Variants in LYPD6B observed in about 807,000 individuals in gnomAD.
LYPD6B encodes the protein LY6/PLAUR domain containing 6B.
Under a neutral mutation model 22.8 loss-of-function variants are expected in LYPD6B, and 17 were observed. That is an observed-to-expected ratio of 0.75 (90% CI 0.51 to 1.12). LYPD6B has a LOEUF of 1.12. Ranked by LOEUF, LYPD6B falls within the 50% of genes most tolerant of loss-of-function variation. The pLI is 0.00. For missense variants in LYPD6B, 221 were observed against 258.3 expected, an observed-to-expected ratio of 0.86 and a Z score of 0.99; for synonymous variants, 106 against 91.6, an observed-to-expected ratio of 1.16 and a Z score of -0.90.
chr2:149,099,609 G>A (rs146732619), intron 1 of LYPD6B, among the ~76,000 whole-genome samples: 168 of 152,260 alleles, frequency 1.1e-3, no homozygotes, highest in African/African-American at 3.8e-3. Flanking sequence ...ATAACCAGGA[G>A]GTAGCTAGGT....
chr2:149,100,345 A>C (rs1225298927), intron 1 of LYPD6B, among the ~76,000 whole-genome samples: 2 of 147,996 alleles, frequency 1.4e-5, no homozygotes, highest in Non-Finnish European at 3.0e-5. Context: ...TTCTTTCAAA[A>C]TTAGTATTCA....
intron 2 of LYPD6B, among the ~76,000 whole-genome samples, chr2:149,159,589 C>CGTGT (rs60129822): frequency 0.11 from 16,724 of 145,760 alleles, 1,234 homozygotes; most frequent in African/African-American, 0.22. Context: ...CATATGTGTG[C>CGTGT]GTGTGTGTGT....
At chr2:149,134,845 G>C (rs1271135903) in intron 2 of LYPD6B, among the ~76,000 whole-genome samples, 1 of 152,184 alleles carries the variant, frequency 6.6e-6, no homozygotes, top group Non-Finnish European at 1.5e-5. Context: ...AAAGAGTAGC[G>C]AGGCATGCAA....
chr2:149,141,578 T>C (rs1688695786), intron 2 of LYPD6B, among the ~76,000 whole-genome samples: 1 of 152,214 alleles, frequency 6.6e-6, no homozygotes, highest in Admixed American at 6.5e-5. Context: ...TTGTATTTGT[T>C]ATATGAAATC....
intron 1 of LYPD6B, among the ~76,000 whole-genome samples, chr2:149,075,189 TCTC>T (rs967119141): frequency 6.6e-6 from 1 of 152,190 alleles, no homozygotes; most frequent in Non-Finnish European, 1.5e-5. Flanking sequence ...AAATCTTCCT[TCTC>T]CTCTATTTCC....
rs115393862 is a variant in LYPD6B at position 149,107,595 on chromosome 2, T to C, written c.-66-23288T>C. ...TTGATTTCTATTTAATTCAGAACAA[T>C]TTTAAATTTTATTTTAAACTTCCTC... On this transcript the variant is annotated intron_variant, in intron 1 of 6. Coordinates refer to ENST00000409642, the MANE Select transcript of LYPD6B (RefSeq NM_177964.5). Among the ~76,000 whole-genome samples, 407 of 152,346 alleles carry C rather than the reference T, an allele frequency of 2.7e-3. 3 individuals carry two copies. The highest frequency in any genetic ancestry group is 9.6e-3 in the African/African-American group (400 of 41,584).
intron 2 of LYPD6B, among the ~76,000 whole-genome samples, chr2:149,158,604 G>A (rs909601960): frequency 6.6e-6 from 1 of 152,112 alleles, no homozygotes; most frequent in Non-Finnish European, 1.5e-5. Flanking sequence ...TCATGGTGAT[G>A]GTTATACAAC....
chr2:149,131,815 C>G (rs1323400796), intron 2 of LYPD6B, among the ~76,000 whole-genome samples: 1 of 152,066 alleles, frequency 6.6e-6, no homozygotes, highest in Non-Finnish European at 1.5e-5. Context: ...GACATCTGAC[C>G]AGCAAAGTCT....
chr2:149,042,941 T>A (rs1248083063), intron 1 of LYPD6B, among the ~76,000 whole-genome samples: 1 of 152,222 alleles, frequency 6.6e-6, no homozygotes, highest in Non-Finnish European at 1.5e-5. Context: ...TTTCTTTGAT[T>A]GTTTGTTATA....
At position 149,107,118 on chromosome 2, in the gene LYPD6B, T is replaced by C. The variant is rs560446873; in HGVS notation, c.-66-23765T>C. Among the ~76,000 whole-genome samples, 3 of 152,320 alleles carry C rather than the reference T, an allele frequency of 2.0e-5. No individual in the cohort carries two copies. The South Asian group carries it at 6.2e-4, about 32-fold the overall frequency. On this transcript the variant is annotated intron_variant, in intron 1 of 6. Transcript: ENST00000409642. ...TATAAGAATATACTATAATTAAAGT[T>C]ATGTAAATGTGGTCTTTCTTAAAAT...
At chr2:149,041,429 G>A (rs1683083858) in intron 1 of LYPD6B, among the ~76,000 whole-genome samples, 1 of 152,154 alleles carries the variant, frequency 6.6e-6, no homozygotes, top group Admixed American at 6.6e-5. Context: ...CCGCGTCACT[G>A]GCCAAAGTGG....
intron 3 of LYPD6B, among the ~76,000 whole-genome samples, chr2:149,200,064 G>T (rs1309182180): frequency 6.6e-6 from 1 of 152,184 alleles, no homozygotes; most frequent in Non-Finnish European, 1.5e-5. Flanking sequence ...CTCTCATTTT[G>T]AATTTCCACT....
intron 4 of LYPD6B, among the ~76,000 whole-genome samples, chr2:149,206,586 G>GA (rs1264595567): frequency 6.6e-6 from 1 of 151,758 alleles, no homozygotes; most frequent in Non-Finnish European, 1.5e-5. Context: ...TTTATGATGA[G>GA]AAAAAAATCA....
chr2:149,061,831 A>C (rs1286059283), intron 1 of LYPD6B, among the ~76,000 whole-genome samples: 1 of 152,208 alleles, frequency 6.6e-6, no homozygotes, highest in African/African-American at 2.4e-5. Flanking sequence ...ACATTATAAA[A>C]GTAAGCATCA....
intron 1 of LYPD6B, among the ~76,000 whole-genome samples, chr2:149,091,891 A>G (rs537312335): frequency 3.4e-4 from 52 of 152,272 alleles, no homozygotes; most frequent in East Asian, 9.6e-4. Flanking sequence ...GACTACTGCT[A>G]TAGATATAAT....
Position 149,213,099 on chromosome 2 carries a change from C to A in LYPD6B, c.436C>A (p.His146Asn), listed in dbSNP as rs778188401. The change falls in exon 6 of 7, where the codon CAC (histidine) becomes AAC (asparagine). Residue 146 changes from histidine (H) to asparagine (N), a missense_variant. Physicochemically the swap from His to Asn is moderately conservative, Grantham distance 68. Transcript: ENST00000409642. ...TGAATGTCATTTTGTCGGTTGCCAC[C>A]ACAGCCGAGATTCTGAACATACGGT... ...RSECHFVGCH[H>N]SRDSEHTECR... 1 of 1,613,818 alleles carries A rather than the reference C, an allele frequency of 6.2e-7. No homozygotes were observed. Among genetic ancestry groups the A allele is most frequent in the East Asian group, 2.2e-5 (1 of 44,876 alleles).
intron 2 of LYPD6B, among the ~76,000 whole-genome samples, chr2:149,147,272 A>G (rs554295321): frequency 1.1e-4 from 16 of 152,206 alleles, no homozygotes; most frequent in Non-Finnish European, 2.1e-4. Flanking sequence ...GAGGAGGAAG[A>G]GCTATTATCA....
chr2:149,087,974 C>T (rs924056068), intron 1 of LYPD6B, among the ~76,000 whole-genome samples: 1 of 152,122 alleles, frequency 6.6e-6, no homozygotes, highest in Non-Finnish European at 1.5e-5. Flanking sequence ...TCTCTCTTTG[C>T]AGGTAAAGAA....
At chr2:149,091,975 T>C (rs945719397) in intron 1 of LYPD6B, among the ~76,000 whole-genome samples, 1 of 151,366 alleles carries the variant, frequency 6.6e-6, no homozygotes, top group Non-Finnish European at 1.5e-5. Context: ...TGATAGTTCT[T>C]GTGAACAACT....
Sources: allele counts gnomAD v4.1 joint callset (sites outside exome capture counted in the v4.1 genomes callset), GRCh38; gene constraint gnomAD v4.1.1; transcripts MANE v1.5; gene names NCBI Gene and HGNC (gene_info 2026-07-23, HGNC 2026-07-21).